The following IQGAP1 variants were observed in gnomAD, a reference collection of about 807,000 sequenced individuals.
IQGAP1 encodes IQ motif containing GTPase activating protein 1, also known as ras GTPase-activating-like protein IQGAP1.
In IQGAP1, 66 loss-of-function variants were observed where a neutral mutation model predicts 215.6. The observed-to-expected ratio is 0.31, with a 90% confidence interval of 0.25 to 0.38. The LOEUF (loss-of-function observed/expected upper bound fraction) is 0.38, where lower values mean the gene tolerates loss of function less well. Ranked by LOEUF, IQGAP1 falls within the 10% of genes least tolerant of loss-of-function variation. IQGAP1 has a pLI of 1.00. For missense variants in IQGAP1, 1,712 were observed against 1,997.1 expected (o/e 0.86, Z 2.72); for synonymous variants, 772 against 728.7 (o/e 1.06, Z -0.96).
At chr15:90,433,072 A>G (rs192496791) in intron 4 of IQGAP1, among the ~76,000 whole-genome samples, 30 of 152,330 alleles carry the variant, frequency 2.0e-4, no homozygotes, top group Admixed American at 1.7e-3. Context: ...AGTCTGTTGG[A>G]GTAGCCAAAC....
chr15:90,487,171 C>T, intron 32 of IQGAP1, 82 bp downstream of exon 32: 1 of 1,339,300 alleles, frequency 7.5e-7, no homozygotes, highest in Non-Finnish European at 1.1e-6. Context: ...CTGGGTCCTA[C>T]CTGAAATGAC....
chr15:90,478,930 A>G (rs953786111), intron 26 of IQGAP1, among the ~76,000 whole-genome samples: 1 of 152,256 alleles, frequency 6.6e-6, no homozygotes, highest in African/African-American at 2.4e-5. Context: ...ACATTCATTT[A>G]TCTAAAGCAA....
At chr15:90,450,330 CTTTTTTTTTTTTTT>C (rs869037347) in intron 11 of IQGAP1, among the ~76,000 whole-genome samples, 18 of 54,424 alleles carry the variant, frequency 3.3e-4, no homozygotes, top group Non-Finnish European at 4.5e-4. Flanking sequence ...TATACACTAC[CTTTTTTTTTTTTTT>C]TTTTTTTTTT....
Position 90,483,467 on chromosome 15 carries a change from A to G in IQGAP1, c.3662A>G (p.Gln1221Arg). 1 of 1,614,220 alleles carries G rather than the reference A, an allele frequency of 6.2e-7. No individual in the cohort carries two copies. The highest frequency in any genetic ancestry group is 8.5e-7 in the Non-Finnish European group (1 of 1,180,038). Residue 1221 changes from glutamine to arginine, a missense_variant, in exon 29 of 38, where the codon CAA becomes CGA. Transcript: ENST00000268182. ...LSAGGQLTTDQRRNLGSIAKM... is the reference protein window; with the variant it reads ...LSAGGQLTTDRRRNLGSIAKM... Reference sequence around the variant, plus strand: ...GCAGGAGGCCAGCTTACCACAGACCAACGCCGAAATCTGGGCTCCATTGCA... The same window carrying G: ...GCAGGAGGCCAGCTTACCACAGACCGACGCCGAAATCTGGGCTCCATTGCA...
At chr15:90,492,465 A>G in intron 34 of IQGAP1, 80 bp from the exon 35 acceptor site, 1 of 743,260 alleles carries the variant, frequency 1.3e-6, no homozygotes, top group Non-Finnish European at 2.0e-6. Flanking sequence ...TTTAAGGCAG[A>G]GTTAAGCATT....
At position 90,495,611 on chromosome 15, in the gene IQGAP1, CAT is replaced by C. The variant is rs933201679; in HGVS notation, c.4751+787_4751+788del. Among the ~76,000 whole-genome samples the C allele has an allele frequency of 2.7e-5, 4 of 149,312 alleles. 1 individual carries two copies. The highest frequency in any genetic ancestry group is 9.8e-5 in the African/African-American group (4 of 40,990). On this transcript the variant is annotated intron_variant, in intron 36 of 37. Transcript: ENST00000268182. ...TATTTAACTACTTTATATATAAATA[CAT>C]ATATATATATTTTTTTCTTCTTCTT...
At chr15:90,479,831 T>C (rs557992812) in intron 26 of IQGAP1, among the ~76,000 whole-genome samples, 11 of 152,292 alleles carry the variant, frequency 7.2e-5, no homozygotes, top group African/African-American at 2.6e-4. Flanking sequence ...ATTGCAAAAG[T>C]CTTTTTAATT....
intron 26 of IQGAP1, among the ~76,000 whole-genome samples, chr15:90,480,893 C>T (rs191368882): frequency 7.0e-4 from 106 of 152,246 alleles, no homozygotes; most frequent in African/African-American, 2.5e-3. Flanking sequence ...GTCTCAAACT[C>T]CTGACCTCAG....
chr15:90,413,243 C>T (rs1426643853), intron 2 of IQGAP1, among the ~76,000 whole-genome samples: 1 of 152,150 alleles, frequency 6.6e-6, no homozygotes, highest in Non-Finnish European at 1.5e-5. Context: ...TGTACATACA[C>T]ATATACATAG....
In IQGAP1 at chr15:90,492,582, A is replaced by G; in HGVS notation, c.4499A>G (p.Lys1500Arg). The stretch of plus-strand genomic sequence containing the variant: ...CAGCGGAGGTACCGACAGAGGAGAA[A>G]GGCCGAACTAGTGAAACTGCAACAG... ...RNQRRYRQRRKAELVKLQQTY... is the reference protein window; with the variant it reads ...RNQRRYRQRRRAELVKLQQTY... Residue 1500 changes from lysine (K) to arginine (R), a missense_variant, in exon 35 of 38, where the codon AAG becomes AGG. Around this residue, in one of 2 missense-constraint regions of IQGAP1, gnomAD observed 691 missense variants for 923.0 expected, o/e 0.75. Transcript: ENST00000268182. 1 of 1,611,962 alleles carries G rather than the reference A, an allele frequency of 6.2e-7. No individual in the cohort carries two copies. The highest frequency in any genetic ancestry group is 8.5e-7 in the Non-Finnish European group (1 of 1,179,514).
At chr15:90,409,235 CTTTTTTTT>C (rs138296381) in intron 2 of IQGAP1, among the ~76,000 whole-genome samples, 1 of 118,450 alleles carries the variant, frequency 8.4e-6, no homozygotes, top group Non-Finnish European at 1.7e-5. Context: ...CCTATATTCA[CTTTTTTTT>C]TTTTTTTTTT....
rs1204161652 is a variant in IQGAP1, at chr15:90,467,776, AC to A, written c.2178+185del. 2.0e-5 allele frequency among the ~76,000 whole-genome samples: 3 copies of A among 152,312 alleles called. No individual in the cohort carries two copies. In the East Asian group the frequency reaches 5.8e-4, roughly 29 times the overall value. On this transcript the variant is annotated intron_variant, in intron 18 of 37. Coordinates refer to ENST00000268182, the MANE Select transcript of IQGAP1 (RefSeq NM_003870.4). ...AGTGACTGAGGCCTGAATTTGTAAAACATCTGAATTATAGAATTAAGTGATA... is the reference window on the plus strand; with the variant it reads ...AGTGACTGAGGCCTGAATTTGTAAAAATCTGAATTATAGAATTAAGTGATA...
chr15:90,467,413 T>A, intron 17 of IQGAP1, 37 bp from the exon 18 acceptor site: 1 of 1,592,724 alleles, frequency 6.3e-7, no homozygotes. Context: ...GGAGTGTGGC[T>A]CTGGATGTCT....
chr15:90,400,630 G>A (rs1023243619), intron 2 of IQGAP1, among the ~76,000 whole-genome samples: 1 of 152,198 alleles, frequency 6.6e-6, no homozygotes, highest in Non-Finnish European at 1.5e-5. Context: ...CACCAGTCAA[G>A]GTTGGGGAAA....
chr15:90,472,490 C>T (rs1464154142), intron 18 of IQGAP1, among the ~76,000 whole-genome samples: 1 of 152,164 alleles, frequency 6.6e-6, no homozygotes, highest in Admixed American at 6.6e-5. Flanking sequence ...ACGTGGCACA[C>T]AGCCCTGTTG....
rs748848359 is a variant in IQGAP1, at chr15:90,477,268, A to G, written c.3104+38A>G. The G allele has an allele frequency of 5.2e-6, 8 of 1,552,494 alleles. No individual in the cohort carries two copies. In the South Asian group the frequency reaches 6.9e-5, roughly 13 times the overall value. On this transcript the variant is annotated intron_variant, in intron 25 of 37. Coordinates refer to ENST00000268182, the MANE Select transcript of IQGAP1 (RefSeq NM_003870.4). Reference sequence around the variant, plus strand: ...TTCCTCAGGGCACAGGCCCCTTCCCACTATCAGAGGGGCTCCCAGTTTGAG... The same window carrying G: ...TTCCTCAGGGCACAGGCCCCTTCCCGCTATCAGAGGGGCTCCCAGTTTGAG...
At chr15:90,401,609 G>A (rs906676065) in intron 2 of IQGAP1, among the ~76,000 whole-genome samples, 2 of 152,194 alleles carry the variant, frequency 1.3e-5, no homozygotes, top group African/African-American at 4.8e-5. Context: ...ACTGTGCTAA[G>A]CACTTTATAT....
At chr15:90,394,757 G>A (rs1298187235) in intron 2 of IQGAP1, among the ~76,000 whole-genome samples, 2 of 151,834 alleles carry the variant, frequency 1.3e-5, no homozygotes, top group African/African-American at 4.8e-5. Context: ...ATAGAGATTG[G>A]AGGGAGAAAA....
chr15:90,476,564 A>G (rs764222260), intron 23 of IQGAP1, 99 bp from the exon 24 acceptor site: 4 of 825,262 alleles, frequency 4.8e-6, no homozygotes, highest in Non-Finnish European at 1.9e-6. Flanking sequence ...AGTGCAGTAC[A>G]CCTTCATGTG....
Sources: gnomAD v4.1 joint callset for allele counts (sites outside exome capture counted in the v4.1 genomes callset) on GRCh38, gnomAD v4.1.1 for gene constraint, gnomAD v4.1.1 regional missense constraint, MANE v1.5 for transcripts, NCBI Gene and HGNC (gene_info 2026-07-23, HGNC 2026-07-21) for gene names.